NUBPL: variants seen among roughly 807,000 people sequenced by gnomAD.
NUBPL encodes the protein iron-sulfur cluster transfer protein NUBPL.
NUBPL carries 31 observed loss-of-function variants against 45.7 expected under a neutral mutation model. That is an observed-to-expected ratio of 0.68 (90% CI 0.51 to 0.92). The LOEUF (loss-of-function observed/expected upper bound fraction) is 0.92. Ranked by LOEUF, NUBPL falls within the 40% of genes least tolerant of loss-of-function variation. The pLI, the probability that NUBPL is intolerant of heterozygous loss-of-function variation, is 0.00. For missense variants in NUBPL, 401 were observed against 398.7 expected (o/e 1.01, Z -0.05); for synonymous variants, 144 against 140.9 (o/e 1.02, Z -0.15).
At chr14:31,636,836 G>A (rs1007318818) in intron 4 of NUBPL, among the ~76,000 whole-genome samples, 29 of 152,116 alleles carry the variant, frequency 1.9e-4, no homozygotes, top group Admixed American at 1.6e-3. Context: ...TATGTGTCGA[G>A]GAATTTATCC....
chr14:31,666,090 C>T (rs1421085528), intron 4 of NUBPL, among the ~76,000 whole-genome samples: 3 of 150,444 alleles, frequency 2.0e-5, no homozygotes, highest in Non-Finnish European at 4.4e-5. Flanking sequence ...AATATTCCTC[C>T]ATCCCTTTAT....
At chr14:31,751,904 A>G (rs1332053354) in intron 6 of NUBPL, among the ~76,000 whole-genome samples, 3 of 152,110 alleles carry the variant, frequency 2.0e-5, no homozygotes, top group African/African-American at 4.8e-5. Flanking sequence ...CTGTGCTCCT[A>G]CAGGCCCAAC....
intron 4 of NUBPL, among the ~76,000 whole-genome samples, chr14:31,602,040 C>A (rs2034448383): frequency 6.6e-6 from 1 of 152,204 alleles, no homozygotes; most frequent in South Asian, 2.1e-4. Context: ...ACATATACAC[C>A]ATGGAATACT....
At chr14:31,666,255 A>T (rs1282176828) in intron 4 of NUBPL, among the ~76,000 whole-genome samples, 2,478 of 24,692 alleles carry the variant, frequency 0.1, 154 homozygotes, top group African/African-American at 0.43. Context: ...ATATATATAT[A>T]TATATATAAT....
chr14:31,759,607 C>T (rs1469994918), intron 6 of NUBPL, among the ~76,000 whole-genome samples: 2 of 151,642 alleles, frequency 1.3e-5, no homozygotes, highest in Non-Finnish European at 2.9e-5. Flanking sequence ...CATATGGTGT[C>T]CAACTTACAA....
At chr14:31,754,600 T>C (rs1259087558) in intron 6 of NUBPL, among the ~76,000 whole-genome samples, 5 of 149,554 alleles carry the variant, frequency 3.3e-5, no homozygotes, top group Non-Finnish European at 4.5e-5. Context: ...TCTTTTTTTT[T>C]TTTTTTTTTT....
chr14:31,746,810 C>T lies in NUBPL; in HGVS notation c.514-40970C>T, dbSNP rs189064040. 7.9e-4 allele frequency among the ~76,000 whole-genome samples: 120 copies of T among 151,910 alleles called. 1 individual carries two copies. The Middle Eastern group carries it at 0.014, about 17-fold the overall frequency. ...TGAGGCCGAGCATGGTGGCTAACACCTGTAATCCTAGCACTTTGGGAAGCC... is the reference window on the plus strand; with the variant it reads ...TGAGGCCGAGCATGGTGGCTAACACTTGTAATCCTAGCACTTTGGGAAGCC... On this transcript the variant is annotated intron_variant, in intron 6 of 10. Coordinates refer to ENST00000281081, the MANE Select transcript of NUBPL (RefSeq NM_025152.3).
chr14:31,788,017 T>C (rs1360744326), intron 7 of NUBPL, 144 bp downstream of exon 7: 2 of 629,618 alleles, frequency 3.2e-6, no homozygotes, highest in Non-Finnish European at 5.6e-6. Flanking sequence ...ATCAGAAGCA[T>C]AAATTATTCA....
At chr14:31,706,414 C>T (rs1027817757) in intron 6 of NUBPL, among the ~76,000 whole-genome samples, 49 of 152,234 alleles carry the variant, frequency 3.2e-4, no homozygotes, top group African/African-American at 1.2e-3. Context: ...ACAAATTTGA[C>T]AAGAAGGTTA....
rs533099687 is a variant in NUBPL, at chr14:31,831,158, C to T, written c.693+4444C>T. On this transcript the variant is annotated intron_variant, in intron 8 of 10. Coordinates refer to ENST00000281081, the MANE Select transcript of NUBPL (RefSeq NM_025152.3). ...TCCTGGGTTCAAGCAATTCTCCTGC[C>T]TCAGCCTCCCTAGTAGCTGGGATTG... Among the ~76,000 whole-genome samples, 3 of 152,000 alleles carry T rather than the reference C, an allele frequency of 2.0e-5. No individual in the cohort carries two copies. In the East Asian group the frequency reaches 5.8e-4, roughly 30 times the overall value.
intron 6 of NUBPL, among the ~76,000 whole-genome samples, chr14:31,681,213 G>A (rs2036825706): frequency 6.6e-6 from 1 of 151,206 alleles, no homozygotes; most frequent in Non-Finnish European, 1.5e-5. Context: ...GTTTTGGGTT[G>A]GTAGAACATT....
At chr14:31,741,483 T>C (rs1359554485) in intron 6 of NUBPL, among the ~76,000 whole-genome samples, 1 of 152,184 alleles carries the variant, frequency 6.6e-6, no homozygotes, top group East Asian at 1.9e-4. Context: ...TAGTTGCTTC[T>C]GAGAGTAGAT....
At chr14:31,851,877 A>G (rs1277982191) in intron 10 of NUBPL, among the ~76,000 whole-genome samples, 4 of 152,222 alleles carry the variant, frequency 2.6e-5, no homozygotes, top group Admixed American at 6.5e-5. Flanking sequence ...GATTTTTATT[A>G]TGGTTTTCAC....
intron 3 of NUBPL, among the ~76,000 whole-genome samples, chr14:31,593,465 G>C (rs1344461073): frequency 7.5e-6 from 1 of 134,116 alleles, no homozygotes. Context: ...AGTGAGCTGA[G>C]ATTGCGCCAC....
At chr14:31,745,566 TTG>T (rs2038380892) in intron 6 of NUBPL, among the ~76,000 whole-genome samples, 1 of 152,056 alleles carries the variant, frequency 6.6e-6, no homozygotes, top group African/African-American at 2.4e-5. Flanking sequence ...AGTGCTGGTG[TTG>T]ATTTCTTTTT....
chr14:31,650,646 T>G (rs766622032), intron 4 of NUBPL, among the ~76,000 whole-genome samples: 5 of 152,340 alleles, frequency 3.3e-5, no homozygotes, highest in Admixed American at 2.0e-4. Flanking sequence ...TATTAGCTAC[T>G]TCTTTGAAGG....
chr14:31,667,047 G>A (rs1465931318), intron 4 of NUBPL, among the ~76,000 whole-genome samples: 6 of 151,892 alleles, frequency 4.0e-5, no homozygotes, highest in South Asian at 2.1e-4. Flanking sequence ...TACTCTTCTC[G>A]AGGATTATCT....
intron 4 of NUBPL, among the ~76,000 whole-genome samples, chr14:31,613,532 A>G (rs1317251682): frequency 3.3e-5 from 5 of 151,992 alleles, no homozygotes; most frequent in Non-Finnish European, 7.4e-5. Flanking sequence ...GGTCACAGCA[A>G]CCTCTGCCTC....
At chr14:31,793,520 G>C (rs1235343998) in intron 7 of NUBPL, among the ~76,000 whole-genome samples, 2 of 152,138 alleles carry the variant, frequency 1.3e-5, no homozygotes, top group Admixed American at 1.3e-4. Flanking sequence ...CCAGCAGACT[G>C]TTAACTTCCT....
Sources: gnomAD v4.1 joint callset for allele counts (sites outside exome capture counted in the v4.1 genomes callset) on GRCh38, gnomAD v4.1.1 for gene constraint, MANE v1.5 for transcripts, NCBI Gene and HGNC (gene_info 2026-07-23, HGNC 2026-07-21) for gene names.